The following FN1 variants were observed in gnomAD, a reference collection of about 807,000 sequenced individuals.
The protein encoded by FN1 is fibronectin 1, also known as fibronectin.
Under a neutral mutation model 297.3 loss-of-function variants are expected in FN1, and 106 were observed. That is an observed-to-expected ratio of 0.36 (90% CI 0.30 to 0.42). FN1 has a LOEUF of 0.42. Among genes scored for constraint, FN1 ranks in the 10% least tolerant of loss-of-function variants. The pLI, the probability that FN1 is intolerant of heterozygous loss-of-function variation, is 1.00. For synonymous variants in FN1, 1,149 were observed against 1,152.6 expected, an observed-to-expected ratio of 1.00 and a Z score of 0.06; for missense variants, 2,690 against 3,124.9, an observed-to-expected ratio of 0.86 and a Z score of 3.32.
intron 22 of FN1, 107 bp downstream of exon 22, chr2:215,397,573 T>C (rs2060454991): frequency 5.5e-6 from 5 of 912,168 alleles, no homozygotes; most frequent in Admixed American, 5.3e-5. Context: ...GGATAAGATA[T>C]CTCCCCTGTG....
At chr2:215,403,436 C>T (rs1575589326) in intron 20 of FN1, among the ~76,000 whole-genome samples, 3 of 151,968 alleles carry the variant, frequency 2.0e-5, no homozygotes, top group Admixed American at 6.6e-5. Flanking sequence ...TTAAATTAGT[C>T]GAAGAGTAAC....
intron 2 of FN1, 138 bp downstream of exon 2, chr2:215,434,558 A>T (rs1250246): frequency 9.8e-7 from 1 of 1,016,376 alleles, no homozygotes; most frequent in Non-Finnish European, 1.5e-6. Flanking sequence ...AAATATAAGC[A>T]GTTTTTAAAC....
At chr2:215,432,095 C>A in intron 3 of FN1, 131 bp from the exon 4 acceptor site, 4 of 1,037,066 alleles carry the variant, frequency 3.9e-6, no homozygotes, top group Non-Finnish European at 5.9e-6. Context: ...CCATCAGAGA[C>A]AGGGGAAACG....
chr2:215,433,498 AG>A lies in FN1; in HGVS notation c.278-38del, dbSNP rs1418987236. 3.1e-6 allele frequency: 5 copies of A among 1,601,400 alleles called. No individual in the cohort carries two copies. In the African/African-American group the frequency reaches 6.7e-5, roughly 21 times the overall value. ...AGGAAAGTCCATGTGAGCCTCACTT[AG>A]GTACAAGCTTTTCTAGTTCACTAAT... On this transcript the variant is annotated intron_variant, in intron 2 of 45. Transcript: ENST00000354785.
At chr2:215,382,129 T>C (rs2058303797) in intron 32 of FN1, 83 bp downstream of exon 32, 2 of 823,416 alleles carry the variant, frequency 2.4e-6, no homozygotes, top group African/African-American at 3.3e-5. Context: ...CTATGTGTAA[T>C]TGCAAAAGAC....
intron 20 of FN1, 123 bp from the exon 21 acceptor site, chr2:215,399,474 C>T (rs2060727646): frequency 1.4e-6 from 1 of 699,162 alleles, no homozygotes; most frequent in African/African-American, 1.8e-5. Context: ...GAGGATGTAA[C>T]ATATTTTTTC....
chr2:215,426,236 C>CTT (rs2065378268), intron 6 of FN1, among the ~76,000 whole-genome samples: 1 of 149,538 alleles, frequency 6.7e-6, no homozygotes, highest in African/African-American at 2.5e-5. Flanking sequence ...GCAAGCTCTG[C>CTT]CTCCCGGGTT....
intron 42 of FN1, 141 bp from the exon 43 acceptor site, chr2:215,365,771 A>G: frequency 3.9e-6 from 2 of 509,542 alleles, no homozygotes; most frequent in Non-Finnish European, 6.7e-6. Context: ...AACCCCTATA[A>G]TGGGCCATTT....
chr2:215,396,801 G>A (rs1025918631), intron 23 of FN1, among the ~76,000 whole-genome samples: 3 of 152,138 alleles, frequency 2.0e-5, no homozygotes, highest in Admixed American at 1.3e-4. Context: ...GGGAAATTAC[G>A]TAATATGACT....
chr2:215,417,200 T>A (rs1253093345), intron 12 of FN1, among the ~76,000 whole-genome samples: 1 of 152,238 alleles, frequency 6.6e-6, no homozygotes, highest in East Asian at 1.9e-4. Flanking sequence ...TATAACTTTT[T>A]AAATTAACTT....
In FN1 at chr2:215,391,895, A is replaced by AT. The variant is rs1264213257; in HGVS notation, c.4070-82dup. 3.2e-5 allele frequency: 36 copies of AT among 1,115,138 alleles called. No homozygotes were observed. In the African/African-American group the frequency reaches 5.2e-4, roughly 16 times the overall value. The allele number at this position is 1,115,138 out of a possible 1,614,324, so 69.1% of individuals were successfully genotyped here. On this transcript the variant is annotated intron_variant, in intron 25 of 45. Transcript: ENST00000354785. ...CGAAGTAGCTGGAAAGGTAAAATCA[A>AT]TATTTCATGCATAAAGGAAACAGAA... is the stretch of plus-strand genomic sequence containing the variant.
chr2:215,421,787 G>A (rs1483863895), intron 10 of FN1, among the ~76,000 whole-genome samples: 1 of 152,124 alleles, frequency 6.6e-6, no homozygotes, highest in African/African-American at 2.4e-5. Context: ...TGAATCCAGT[G>A]GCATAGCCTA....
intron 16 of FN1, 32 bp from the exon 17 acceptor site, chr2:215,408,229 A>G: frequency 9.9e-6 from 16 of 1,613,440 alleles, no homozygotes; most frequent in Non-Finnish European, 1.3e-5. Context: ...GCAAACAGTC[A>G]GGAAGTGCTA....
At chr2:215,373,631 G>T (rs1214576166) in intron 38 of FN1, among the ~76,000 whole-genome samples, 1 of 150,814 alleles carries the variant, frequency 6.6e-6, no homozygotes, top group Non-Finnish European at 1.5e-5. Flanking sequence ...CATATCTGAC[G>T]CCTGAATAGA....
Position 215,381,020 on chromosome 2 carries a change from G to T in FN1, c.5225C>A (p.Ala1742Asp). The T allele has an allele frequency of 6.2e-7, 1 of 1,614,224 alleles. No individual in the cohort carries two copies. Among genetic ancestry groups the T allele is most frequent in the African/African-American group, 1.3e-5 (1 of 75,066 alleles). ...TDVDVDSIKI[A>D]WESPQGQVSR... The stretch of plus-strand genomic sequence containing the variant: ...AACTTGCCCCTGTGGGCTTTCCCAA[G>T]CAATTTTGATGGAATCGACATCCAC... The change falls in exon 33 of 46, where the codon GCT becomes GAT. Residue 1742 changes from alanine to aspartate, a missense_variant. By Grantham distance (126) the Ala-to-Asp change is moderately radical (BLOSUM62 -2). Coordinates refer to ENST00000354785, the MANE Select transcript of FN1 (RefSeq NM_212482.4).
rs746973552 is a variant in FN1, at chr2:215,424,226, C to T, written c.1136G>A (p.Arg379Gln). 9 of 1,614,052 alleles carry T rather than the reference C, an allele frequency of 5.6e-6. No individual in the cohort carries two copies. The highest frequency in any genetic ancestry group is 1.1e-5 in the South Asian group (1 of 91,070). The change falls in exon 8 of 46, where the codon CGA (arginine) becomes CAA (glutamine). Residue 379 changes from arginine to glutamine, a missense_variant. Arg to Gln is a conservative substitution (Grantham distance 43, BLOSUM62 1). Transcript: ENST00000354785. ...RTFYSCTTEG[R>Q]QDGHLWCSTT... ...GCTGCACCAAAGATGTCCGTCCTGT[C>T]GCCCTTCTGTGGTGCAGGAGTAGAA...
intron 32 of FN1, 136 bp from the exon 33 acceptor site, chr2:215,381,216 TCACTTAAA>T: frequency 1.2e-6 from 1 of 826,604 alleles, no homozygotes; most frequent in Non-Finnish European, 2.0e-6. Context: ...AAAGGAAAAA[TCACTTAAA>T]CACTTGCTTA....
At chr2:215,431,183 A>G (rs2066447921) in intron 4 of FN1, among the ~76,000 whole-genome samples, 1 of 152,230 alleles carries the variant, frequency 6.6e-6, no homozygotes, top group Admixed American at 6.5e-5. Context: ...CATATGCAAA[A>G]TTCCAATCTT....
intron 28 of FN1, among the ~76,000 whole-genome samples, chr2:215,385,217 AT>A (rs1309371928): frequency 6.8e-6 from 1 of 147,090 alleles, no homozygotes; most frequent in Non-Finnish European, 1.5e-5. Context: ...TCAACATTTT[AT>A]TTGGAAAAAT....
Sources: gnomAD v4.1 joint callset for allele counts (sites outside exome capture counted in the v4.1 genomes callset) on GRCh38, gnomAD v4.1.1 for gene constraint, MANE v1.5 for transcripts, NCBI Gene and HGNC (gene_info 2026-07-23, HGNC 2026-07-21) for gene names.